Variants in NPY observed in about 807,000 individuals in gnomAD.
NPY encodes neuropeptide Y, also known as pro-neuropeptide Y.
In NPY, 11 loss-of-function variants were observed where a neutral mutation model predicts 13.2. The observed-to-expected ratio is 0.83, with a 90% CI of 0.52 to 1.38. NPY has a LOEUF of 1.38. NPY is among the 40% of genes most tolerant of loss of function. The pLI is 0.00. For synonymous variants in NPY, 51 were observed against 55.6 expected, an observed-to-expected ratio of 0.92 and a Z score of 0.37; for missense variants, 109 against 125.1, an observed-to-expected ratio of 0.87 and a Z score of 0.61.
chr7:24,291,723 T>C lies in NPY; in HGVS notation c.*36T>C. Reference sequence around the variant, plus strand: ...GACTTGCTCTCTGGCCTTTTCCTATTTTCAGCCCATATTTCATCGTGTAAA... The same window carrying C: ...GACTTGCTCTCTGGCCTTTTCCTATCTTCAGCCCATATTTCATCGTGTAAA... On this transcript the variant is annotated 3_prime_UTR_variant, in exon 4 of 4. Transcript: ENST00000242152. The C allele has an allele frequency of 1.2e-6, 2 of 1,613,564 alleles. No individual in the cohort carries two copies. The highest frequency in any genetic ancestry group is 1.7e-6 in the Non-Finnish European group (2 of 1,179,492).
Position 24,285,115 on chromosome 7 carries a change from G to A in NPY, c.1-126G>A. 2.0e-6 allele frequency: 2 copies of A among 999,584 alleles called. No homozygotes were observed. The highest frequency in any genetic ancestry group is 3.1e-6 in the Non-Finnish European group (2 of 648,926). The allele number at this position is 999,584 out of a possible 1,614,324, so 61.9% of individuals were successfully genotyped here. ...CTCCTGGGTTCTCTCTGCGGGACTG[G>A]GACGAGAGCGGATTGGGGGTCGCGT... On this transcript the variant is annotated intron_variant, in intron 1 of 3. Transcript: ENST00000242152. This position sits in a 1 kb window ranked among gnomAD's most constrained non-coding sequence, Gnocchi z 4.9.
chr7:24,288,795 C>T (rs1381118698), intron 2 of NPY, among the ~76,000 whole-genome samples: 1 of 151,780 alleles, frequency 6.6e-6, no homozygotes, highest in Admixed American at 6.6e-5. Context: ...GCATTTGGCA[C>T]CTTGAATGAA....
intron 2 of NPY, among the ~76,000 whole-genome samples, chr7:24,289,273 T>C (rs894489513): frequency 7.2e-5 from 11 of 152,204 alleles, no homozygotes; most frequent in African/African-American, 2.4e-4. Flanking sequence ...ACCTCCTAGA[T>C]TATTTATTAT....
chr7:24,289,852 A>G (rs1583575860), intron 3 of NPY, among the ~76,000 whole-genome samples: 1 of 152,172 alleles, frequency 6.6e-6, no homozygotes, highest in East Asian at 1.9e-4. Context: ...TAACTTAGAA[A>G]TTATATAGAA....
At position 24,289,482 on chromosome 7, in the gene NPY, G is replaced by C. The variant is rs781732020; in HGVS notation, c.189-17G>C. 6.4e-7 allele frequency: 1 copy of C among 1,573,586 alleles called. No individual in the cohort carries two copies. Among genetic ancestry groups the C allele is most frequent in the Admixed American group, 1.8e-5 (1 of 55,906 alleles). On this transcript the variant is annotated splice_polypyrimidine_tract_variant and intron_variant, in intron 2 of 3. Transcript: ENST00000242152. ...TGCCTATTCCAAACTTGCTTTAAAAGACTTTTTTTTTTCCAGATATGGAAA... is the reference window on the plus strand; with the variant it reads ...TGCCTATTCCAAACTTGCTTTAAAACACTTTTTTTTTTCCAGATATGGAAA...
At chr7:24,290,775 A>AATAATAATAATAATT (rs10701264) in intron 3 of NPY, among the ~76,000 whole-genome samples, 1,382 of 129,600 alleles carry the variant, frequency 0.011, 17 homozygotes, top group African/African-American at 0.033. Context: ...TAATAATAAT[A>AATAATAATAATAATT]ATTATTATTA....
At chr7:24,287,469 C>T (rs536785973) in intron 2 of NPY, among the ~76,000 whole-genome samples, 7 of 151,244 alleles carry the variant, frequency 4.6e-5, no homozygotes, top group Non-Finnish European at 8.8e-5. Context: ...CAGCATTCCC[C>T]CTGCACTCAA....
chr7:24,284,690 C>T (rs1787288370), intron 1 of NPY, among the ~76,000 whole-genome samples: 1 of 152,162 alleles, frequency 6.6e-6, no homozygotes, highest in Non-Finnish European at 1.5e-5. Flanking sequence ...GCTCTAGAGC[C>T]CCGCGCCCTG....
chr7:24,290,139 A>G (rs994623526), intron 3 of NPY, among the ~76,000 whole-genome samples: 1 of 152,192 alleles, frequency 6.6e-6, no homozygotes, highest in Non-Finnish European at 1.5e-5. Context: ...ACGTTGAATG[A>G]CAGTATTCTT....
At chr7:24,289,258 AAAT>A (rs1222026747) in intron 2 of NPY, among the ~76,000 whole-genome samples, 2 of 152,200 alleles carry the variant, frequency 1.3e-5, no homozygotes, top group African/African-American at 4.8e-5. Context: ...GGTTCGGTTT[AAAT>A]AACCTCCTAG....
At position 24,285,145 on chromosome 7, in the gene NPY, T is replaced by C. The variant is rs963899017; in HGVS notation, c.1-96T>C. The C allele has an allele frequency of 7.8e-7, 1 of 1,288,190 alleles. No homozygotes were observed. The highest frequency in any genetic ancestry group is 1.3e-5 in the South Asian group (1 of 78,128). 79.8% of individuals were successfully genotyped at this position (1,288,190 alleles called of 1,614,324 possible). On this transcript the variant is annotated intron_variant, in intron 1 of 3. Coordinates refer to ENST00000242152, the MANE Select transcript of NPY (RefSeq NM_000905.4). The surrounding 1 kb of genome is among the most constrained non-coding windows in gnomAD (Gnocchi z 4.9). ...AGAGCGGATTGGGGGTCGCGTGTGG[T>C]AGCAGGAGGAGGAGCGCGGGGGGCA...
intron 2 of NPY, among the ~76,000 whole-genome samples, chr7:24,286,521 C>T (rs909310870): frequency 3.3e-5 from 5 of 151,958 alleles, no homozygotes; most frequent in South Asian, 4.2e-4. Flanking sequence ...TTACTGTTTA[C>T]AAGTCAGGGA....
chr7:24,291,568 T>A (rs1157219756), intron 3 of NPY, 95 bp from the exon 4 acceptor site: 5 of 1,426,624 alleles, frequency 3.5e-6, no homozygotes, highest in Non-Finnish European at 3.9e-6. Context: ...CAGTTCCCGG[T>A]CATCTTTCAC....
chr7:24,285,635 A>T lies in NPY; in HGVS notation c.188+207A>T, dbSNP rs1787333103. ...CCTTCCATTTTGTGCAACTACAGTC[A>T]CAGAGTCGTGATCCCCAGATTCAGG... On this transcript the variant is annotated intron_variant, in intron 2 of 3. Coordinates refer to ENST00000242152, the MANE Select transcript of NPY (RefSeq NM_000905.4). This position sits in a 1 kb window ranked among gnomAD's most constrained non-coding sequence, Gnocchi z 4.9. Among the ~76,000 whole-genome samples, 1 of 152,068 alleles carries T rather than the reference A, an allele frequency of 6.6e-6. No individual in the cohort carries two copies. The highest frequency in any genetic ancestry group is 2.1e-4 in the South Asian group (1 of 4,826).
rs5572 is a variant in NPY at position 24,285,324 on chromosome 7, G to A, written c.84G>A (p.Ala28=). The change falls in exon 2 of 4, where the codon GCG becomes GCA. Residue 28 remains alanine (A), a synonymous_variant. Transcript: ENST00000242152. This position sits in a 1 kb window ranked among gnomAD's most constrained non-coding sequence, Gnocchi z 4.9. Reference sequence around the variant, plus strand: ...TGTGCCTGGGTGCGCTGGCCGAGGCGTACCCCTCCAAGCCGGACAACCCGG... The same window carrying A: ...TGTGCCTGGGTGCGCTGGCCGAGGCATACCCCTCCAAGCCGGACAACCCGG... The part of the protein sequence containing the change: ...LLVCLGALAE[A]YPSKPDNPGE... The A allele has an allele frequency of 3.5e-3, 5,577 of 1,614,016 alleles. 172 individuals carry two copies. The African/African-American group carries it at 0.065, about 19-fold the overall frequency.
chr7:24,287,924 T>G (rs1787450940), intron 2 of NPY, among the ~76,000 whole-genome samples: 1 of 152,182 alleles, frequency 6.6e-6, no homozygotes, highest in African/African-American at 2.4e-5. Context: ...CTTTAGAGTG[T>G]GTTTTTAACA....
intron 3 of NPY, among the ~76,000 whole-genome samples, chr7:24,290,255 G>A (rs1220483856): frequency 6.6e-6 from 1 of 152,118 alleles, no homozygotes; most frequent in East Asian, 1.9e-4. Flanking sequence ...GTTTTCTGGT[G>A]CCTCCTGGAC....
Position 24,285,055 on chromosome 7 carries a change from G to T in NPY, c.1-186G>T. Reference sequence around the variant, plus strand: ...GGAGCAGAGGGGCAGGTCCCGACCGGACGGCGCCCGGAGCCCGCAAGGTGG... The same window carrying T: ...GGAGCAGAGGGGCAGGTCCCGACCGTACGGCGCCCGGAGCCCGCAAGGTGG... On this transcript the variant is annotated intron_variant, in intron 1 of 3. Transcript: ENST00000242152. This position sits in a 1 kb window ranked among gnomAD's most constrained non-coding sequence, Gnocchi z 4.9. 1.6e-6 allele frequency: 1 copy of T among 632,452 alleles called. No homozygotes were observed. Among genetic ancestry groups the T allele is most frequent in the Non-Finnish European group, 2.8e-6 (1 of 363,406 alleles). 39.2% of individuals were successfully genotyped at this position (632,452 alleles called of 1,614,324 possible).
In NPY at chr7:24,291,679, A is replaced by G. The variant is rs778902328; in HGVS notation, c.286A>G (p.Met96Val). The G allele has an allele frequency of 1.2e-6, 2 of 1,613,982 alleles. No homozygotes were observed. The highest frequency in any genetic ancestry group is 1.3e-5 in the African/African-American group (1 of 74,914). ...GTTTTACAGGCTTGAAGACCCTGCA[A>G]TGTGGTGATGGGAAATGAGACTTGC... ...VPRTRLEDPA[M>V]W The change falls in exon 4 of 4, where the codon ATG becomes GTG. Residue 96 changes from methionine (M) to valine (V), a missense_variant. Coordinates refer to ENST00000242152, the MANE Select transcript of NPY (RefSeq NM_000905.4).
Sources: allele counts gnomAD v4.1 joint callset (sites outside exome capture counted in the v4.1 genomes callset), GRCh38; gene constraint gnomAD v4.1.1; non-coding constraint Gnocchi (gnomAD v3.1); transcripts MANE v1.5; gene names NCBI Gene and HGNC (gene_info 2026-07-23, HGNC 2026-07-21).